The following RIOX2 variants were observed in gnomAD, a reference collection of about 807,000 sequenced individuals.
The protein encoded by RIOX2 is ribosomal oxygenase 2.
RIOX2 carries 43 observed loss-of-function variants against 51.2 expected under a neutral mutation model. The ratio of observed to expected loss-of-function variants is 0.84; its 90% CI spans 0.66 to 1.08. The LOEUF is 1.08. RIOX2 is among the 50% of genes least tolerant of loss of function. The pLI, the probability that RIOX2 is intolerant of heterozygous loss-of-function variation, is 0.00. For synonymous variants in RIOX2, 226 were observed against 218.5 expected, an observed-to-expected ratio of 1.03 and a Z score of -0.30; for missense variants, 566 against 561.7, an observed-to-expected ratio of 1.01 and a Z score of -0.08.
At chr3:97,970,903 G>A (rs1010482374) in intron 1 of RIOX2, among the ~76,000 whole-genome samples, 1 of 152,214 alleles carries the variant, frequency 6.6e-6, no homozygotes, top group African/African-American at 2.4e-5. Context: ...ATGAAGACGT[G>A]AGGAAGCTCT....
At chr3:97,952,216 C>CAGGTGA (rs1402168103) in intron 5 of RIOX2, 2 of 1,289,782 alleles carry the variant, frequency 1.6e-6, no homozygotes, top group Non-Finnish European at 1.0e-6. Context: ...GAGCAATGGC[C>CAGGTGA]CTCAAGTCAC....
Position 97,947,424 on chromosome 3 carries a change from A to C in RIOX2, c.1086T>G (p.Ser362Arg). 1 of 1,613,530 alleles carries C rather than the reference A, an allele frequency of 6.2e-7. No individual in the cohort carries two copies. Among genetic ancestry groups the C allele is most frequent in the Non-Finnish European group, 8.5e-7 (1 of 1,179,580 alleles). ...TPGGKLPRLD[S>R]VVRLQFKDHI... Reference sequence around the variant, plus strand: ...GGTCTTTAAACTGCAGTCTCACTACACTGTCCAGCCTCGGTAACTTTCCAC... The same window carrying C: ...GGTCTTTAAACTGCAGTCTCACTACCCTGTCCAGCCTCGGTAACTTTCCAC... The change falls in exon 8 of 10, where the codon AGT becomes AGG. Residue 362 changes from serine to arginine, a missense_variant. By Grantham distance (110) the Ser-to-Arg change is moderately radical. Transcript: ENST00000394198.
At position 97,942,174 on chromosome 3, in the gene RIOX2, C is replaced by CA. The variant is rs1386541483; in HGVS notation, c.*3009dup. 2.4e-6 allele frequency: 2 copies of CA among 837,144 alleles called. No individual in the cohort carries two copies. The highest frequency in any genetic ancestry group is 3.5e-6 in the Non-Finnish European group (2 of 566,328). The allele number at this position is 837,144 out of a possible 1,614,324, so 51.9% of individuals were successfully genotyped here. ...CTATATAGTATTTTTTTAGATAAGA[C>CA]ACACACACACTTCATGTCTATGACT... On this transcript the variant is annotated 3_prime_UTR_variant, in exon 10 of 10. Coordinates refer to ENST00000394198, the MANE Select transcript of RIOX2 (RefSeq NM_153182.4).
At chr3:97,949,738 G>A (rs369015904) in intron 7 of RIOX2, 106 bp downstream of exon 7, 40 of 1,033,354 alleles carry the variant, frequency 3.9e-5, no homozygotes, top group Middle Eastern at 6.5e-4. Flanking sequence ...ACATTAACAC[G>A]AAAGCACTTC....
At chr3:97,967,125 A>C (rs1705917938) in intron 2 of RIOX2, 37 bp downstream of exon 2, 1 of 1,585,770 alleles carries the variant, frequency 6.3e-7, no homozygotes, top group Admixed American at 1.7e-5. Context: ...TAGTACTTTA[A>C]AATGTATGAG....
At position 97,959,093 on chromosome 3, in the gene RIOX2, G is replaced by T. The variant is rs773244845; in HGVS notation, c.639C>A (p.Ala213=). Residue 213 remains alanine, a synonymous_variant, in exon 4 of 10, where the codon GCC becomes GCA. Transcript: ENST00000394198. ...GCACCGGCCTGCCGATCCTTTCCTC[G>T]GCCTCCACGCTGTACTCTCGTGCCA... The part of the protein sequence containing the change: ...VPLAREYSVE[A]EERIGRPVHE... 1.4e-5 allele frequency: 23 copies of T among 1,612,494 alleles called. No individual in the cohort carries two copies. The highest frequency in any genetic ancestry group is 1.7e-5 in the Non-Finnish European group (20 of 1,179,300).
rs1405294989 is a variant in RIOX2 at position 97,942,952 on chromosome 3, C to T, written c.*2232G>A. ...ACCTGACATTCAGCCAGAGTTCTCT[C>T]AAGAGCACTTTGTTCTAAAGAATCA... On this transcript the variant is annotated 3_prime_UTR_variant, in exon 10 of 10. Coordinates refer to ENST00000394198, the MANE Select transcript of RIOX2 (RefSeq NM_153182.4). The T allele has an allele frequency of 5.6e-6, 2 of 359,996 alleles. No individual in the cohort carries two copies. The highest frequency in any genetic ancestry group is 6.3e-5 in the East Asian group (1 of 15,942). The allele number at this position is 359,996 out of a possible 1,614,324, so 22.3% of individuals were successfully genotyped here.
Position 97,942,875 on chromosome 3 carries a change from T to C in RIOX2, c.*2309A>G, listed in dbSNP as rs1008173712. Reference sequence around the variant, plus strand: ...CAGGGCCAATATTATTCATGGCTGTTGCTTTAATTGGGTTAGTCACAGTTT... The same window carrying C: ...CAGGGCCAATATTATTCATGGCTGTCGCTTTAATTGGGTTAGTCACAGTTT... On this transcript the variant is annotated 3_prime_UTR_variant, in exon 10 of 10. Transcript: ENST00000394198. 7 of 246,306 alleles carry C rather than the reference T, an allele frequency of 2.8e-5. No individual in the cohort carries two copies. The highest frequency in any genetic ancestry group is 5.3e-5 in the Non-Finnish European group (7 of 131,892). The allele number at this position is 246,306 out of a possible 1,614,324, so 15.3% of individuals were successfully genotyped here. A position where few individuals can be genotyped will look rare whatever the true frequency, so the allele number is the denominator to read the frequency against.
chr3:97,943,450 C>T lies in RIOX2; in HGVS notation c.*1734G>A, dbSNP rs1187117088. On this transcript the variant is annotated 3_prime_UTR_variant, in exon 10 of 10. Transcript: ENST00000394198. ...TGAGCAGAATGAACATTTTCTCCAGCCTCTGAGACTATCGCTCTTAACCAT... is the reference window on the plus strand; with the variant it reads ...TGAGCAGAATGAACATTTTCTCCAGTCTCTGAGACTATCGCTCTTAACCAT... 3.2e-6 allele frequency: 2 copies of T among 629,576 alleles called. No individual in the cohort carries two copies. Among genetic ancestry groups the T allele is most frequent in the Non-Finnish European group, 5.6e-6 (2 of 359,492 alleles). 39.0% of individuals were successfully genotyped at this position (629,576 alleles called of 1,614,324 possible).
At chr3:97,963,880 A>G (rs144593760) in intron 2 of RIOX2, among the ~76,000 whole-genome samples, 3 of 152,350 alleles carry the variant, frequency 2.0e-5, no homozygotes, top group African/African-American at 7.2e-5. Flanking sequence ...AGTTATAATT[A>G]CAAGCAAGGT....
intron 5 of RIOX2, chr3:97,952,347 C>T (rs1705284399): frequency 1.5e-6 from 1 of 674,224 alleles, no homozygotes; most frequent in Non-Finnish European, 2.3e-6. Flanking sequence ...TTAGGAAGCT[C>T]TTCCCAGCCC....
chr3:97,954,200 C>T (rs1705369666), intron 5 of RIOX2, 192 bp downstream of exon 5: 2 of 554,566 alleles, frequency 3.6e-6, no homozygotes, highest in East Asian at 6.0e-5. Flanking sequence ...TCATGATGTC[C>T]CCAGAAGCAA....
At chr3:97,946,227 C>G (rs1445870638) in intron 8 of RIOX2, among the ~76,000 whole-genome samples, 2 of 151,944 alleles carry the variant, frequency 1.3e-5, no homozygotes, top group Non-Finnish European at 2.9e-5. Flanking sequence ...CAATGAAATC[C>G]TCAGTTTTTT....
intron 8 of RIOX2, among the ~76,000 whole-genome samples, 180 bp downstream of exon 8, chr3:97,947,181 A>G (rs1197543438): frequency 6.6e-6 from 1 of 152,194 alleles, no homozygotes; most frequent in Non-Finnish European, 1.5e-5. Context: ...GATGAGGGCA[A>G]GAAAATATGG....
At chr3:97,946,154 G>C (rs1575990216) in intron 8 of RIOX2, among the ~76,000 whole-genome samples, 1 of 152,088 alleles carries the variant, frequency 6.6e-6, no homozygotes, top group Non-Finnish European at 1.5e-5. Flanking sequence ...AACAGCTGGA[G>C]TGCTACCTGG....
intron 7 of RIOX2, among the ~76,000 whole-genome samples, chr3:97,949,091 G>T (rs1705126896): frequency 1.3e-5 from 2 of 152,060 alleles, no homozygotes; most frequent in Admixed American, 1.3e-4. Flanking sequence ...TTGGATGTTT[G>T]TCCCATCCAA....
chr3:97,949,912 T>C lies in RIOX2; in HGVS notation c.992A>G (p.Lys331Arg). 1 of 1,613,934 alleles carries C rather than the reference T, an allele frequency of 6.2e-7. No homozygotes were observed. The highest frequency in any genetic ancestry group is 2.2e-5 in the East Asian group (1 of 44,856). ...GAGTCTGTGCATAATAAAATCCTTC[T>C]TCATGTCTGAGGAAAGCAGTTCTTT... ...GTKELLSSDM[K>R]KDFIMHRLPP... The change falls in exon 7 of 10, where the codon AAG becomes AGG. Residue 331 changes from lysine to arginine, a missense_variant. Physicochemically the swap from Lys to Arg is conservative, Grantham distance 26 (BLOSUM62 2). Coordinates refer to ENST00000394198, the MANE Select transcript of RIOX2 (RefSeq NM_153182.4).
In RIOX2 at chr3:97,942,678, A is replaced by G. The variant is rs1306680021; in HGVS notation, c.*2506T>C. On this transcript the variant is annotated 3_prime_UTR_variant, in exon 10 of 10. Transcript: ENST00000394198. Reference sequence around the variant, plus strand: ...TACAGTTGTAAAACTTTCATTTGCTACGTGAACTCAGAACAGTTCTAAATT... The same window carrying G: ...TACAGTTGTAAAACTTTCATTTGCTGCGTGAACTCAGAACAGTTCTAAATT... 1 of 384,742 alleles carries G rather than the reference A, an allele frequency of 2.6e-6. No individual in the cohort carries two copies. The allele number at this position is 384,742 out of a possible 1,614,324, so 23.8% of individuals were successfully genotyped here. A position where few individuals can be genotyped will look rare whatever the true frequency, so the allele number is the denominator to read the frequency against.
At chr3:97,951,787 C>T (rs1410657684) in intron 5 of RIOX2, among the ~76,000 whole-genome samples, 1 of 152,204 alleles carries the variant, frequency 6.6e-6, no homozygotes, top group Non-Finnish European at 1.5e-5. Flanking sequence ...AGACACTTTT[C>T]CCAAGACATC....
Sources: allele counts gnomAD v4.1 joint callset (sites outside exome capture counted in the v4.1 genomes callset), GRCh38; gene constraint gnomAD v4.1.1; transcripts MANE v1.5; gene names NCBI Gene and HGNC (gene_info 2026-07-23, HGNC 2026-07-21).